PABPC4: variants seen among roughly 807,000 people sequenced by gnomAD.
The protein encoded by PABPC4 is polyadenylate-binding protein 4.
A neutral mutation model predicts 74.5 loss-of-function variants in PABPC4; 15 were observed. The ratio of observed to expected loss-of-function variants is 0.20; its 90% CI spans 0.13 to 0.31. PABPC4 has a LOEUF of 0.31. PABPC4 is among the 10% of genes least tolerant of loss of function. The pLI is 1.00. For synonymous variants in PABPC4, 345 were observed against 303.0 expected (o/e 1.14, Z -1.44); for missense variants, 610 against 853.5 (o/e 0.71, Z 3.55).
chr1:39,569,865 A>C lies in PABPC4; in HGVS notation c.641T>G (p.Phe214Cys). Residue 214 changes from phenylalanine (F) to cysteine (C), a missense_variant and splice_region_variant, in exon 4 of 16, where the codon TTT becomes TGT. Transcript: ENST00000372858. ...DESLKELFSQ[F>C]GKTLSVKVMR... ...GGAGACAAGGAACCCCAACTTACCA[A>C]ACTGACTGAATAGCTCTTTCAGACT... 1 of 1,613,922 alleles carries C rather than the reference A, an allele frequency of 6.2e-7. No homozygotes were observed. Among genetic ancestry groups the C allele is most frequent in the Non-Finnish European group, 8.5e-7 (1 of 1,179,964 alleles).
At chr1:39,572,318 G>T in intron 2 of PABPC4, 75 bp downstream of exon 2, 1 of 1,135,096 alleles carries the variant, frequency 8.8e-7, no homozygotes, top group Non-Finnish European at 1.3e-6. Context: ...TTCCAAGATA[G>T]TTCTCTGTTT....
At chr1:39,565,517 T>C in intron 7 of PABPC4, 139 bp from the exon 8 acceptor site, 1 of 808,786 alleles carries the variant, frequency 1.2e-6, no homozygotes, top group Non-Finnish European at 2.0e-6. Flanking sequence ...GCTTGAGCAA[T>C]GTAGTGAGAC....
chr1:39,574,623 T>A (rs761481211), intron 1 of PABPC4, among the ~76,000 whole-genome samples: 1 of 152,252 alleles, frequency 6.6e-6, no homozygotes, highest in Admixed American at 6.5e-5. Context: ...GGATTGACAG[T>A]AGCAATACCT....
chr1:39,563,378 A>C, intron 12 of PABPC4: 2 of 503,890 alleles, frequency 4.0e-6, no homozygotes, highest in African/African-American at 1.9e-5. Context: ...CAGAAGAGGA[A>C]GCACTGGCTG....
rs1646029307 is a variant in PABPC4 at position 39,576,536 on chromosome 1, C to T, written c.-585G>A. The T allele has an allele frequency of 6.7e-6, 1 of 149,724 alleles. No individual in the cohort carries two copies. The highest frequency in any genetic ancestry group is 1.5e-5 in the Non-Finnish European group (1 of 66,982). The allele number at this position is 149,724 out of a possible 1,614,324, so 9.3% of individuals were successfully genotyped here. On this transcript the variant is annotated 5_prime_UTR_variant, in exon 1 of 16. Transcript: ENST00000372858. ...CGAGCGGGGGGAGGGCACGGCGGGC[C>T]GGGCGGGCGGCTCACCCCCGGACCG...
At chr1:39,564,832 TATCTC>T (rs1271242509) in intron 8 of PABPC4, 59 bp from the exon 9 acceptor site, 4 of 1,316,734 alleles carry the variant, frequency 3.0e-6, no homozygotes, top group Non-Finnish European at 3.3e-6. Context: ...CCTAGAGAAG[TATCTC>T]ATCTCATCTC....
rs540067226 is a variant in PABPC4 at position 39,562,314 on chromosome 1, G to C, written c.1762+9C>G. 1 of 1,613,332 alleles carries C rather than the reference G, an allele frequency of 6.2e-7. No individual in the cohort carries two copies. The highest frequency in any genetic ancestry group is 1.1e-5 in the South Asian group (1 of 91,012). On this transcript the variant is annotated intron_variant, in intron 13 of 15. Transcript: ENST00000372858. ...ACCCTCTTCTTCTGCAAGCAAGTGG[G>C]TCACTCACCCAGCATCTGCTTCTGT...
At chr1:39,573,337 C>A (rs1570399181) in intron 1 of PABPC4, 1 of 152,228 alleles carries the variant, frequency 6.6e-6, no homozygotes, top group Non-Finnish European at 1.5e-5. Context: ...ACCACCATAC[C>A]TTCTGCCTAA....
chr1:39,575,097 C>T (rs1172449859), intron 1 of PABPC4, among the ~76,000 whole-genome samples: 1 of 152,220 alleles, frequency 6.6e-6, no homozygotes, highest in African/African-American at 2.4e-5. Flanking sequence ...ACTACCTCCA[C>T]GACACTCTAC....
Position 39,562,135 on chromosome 1 carries a change from G to A in PABPC4, c.1831C>T (p.Leu611=). The change falls in exon 14 of 16, where the codon CTG becomes TTG. Residue 611 remains leucine, a synonymous_variant. Transcript: ENST00000372858. Reference sequence around the variant, plus strand: ...AGCAGCTCAGAGTTGTCTATCTCCAGCAGCATTCCCGTGATCTTCCCAGCC... The same window carrying A: ...AGCAGCTCAGAGTTGTCTATCTCCAACAGCATTCCCGTGATCTTCCCAGCC... ...NLAGKITGML[L]EIDNSELLHM... is the part of the protein sequence containing the mutation. 1 of 1,614,028 alleles carries A rather than the reference G, an allele frequency of 6.2e-7. No individual in the cohort carries two copies.
chr1:39,568,359 A>G (rs1419731766), intron 6 of PABPC4: 1 of 164,724 alleles, frequency 6.1e-6, no homozygotes, highest in Non-Finnish European at 1.3e-5. Flanking sequence ...TGTTTTAACA[A>G]GCTCTGCTGA....
chr1:39,567,693 G>T, intron 7 of PABPC4, 58 bp downstream of exon 7: 1 of 852,996 alleles, frequency 1.2e-6, no homozygotes, highest in Non-Finnish European at 2.0e-6. Context: ...TGGGACAAAT[G>T]CCAATAAGCC....
chr1:39,563,138 T>A (rs1645787215), intron 12 of PABPC4: 1 of 167,878 alleles, frequency 6.0e-6, no homozygotes, highest in South Asian at 1.6e-4. Flanking sequence ...AGAGCACAGG[T>A]CTAGAGACAG....
At position 39,576,415 on chromosome 1, in the gene PABPC4, T is replaced by C. The variant is rs1172960967; in HGVS notation, c.-464A>G. 6 of 151,298 alleles carry C rather than the reference T, an allele frequency of 4.0e-5. No individual in the cohort carries two copies. The highest frequency in any genetic ancestry group is 7.4e-5 in the Non-Finnish European group (5 of 67,732). 9.4% of individuals were successfully genotyped at this position (151,298 alleles called of 1,614,324 possible). ...GCCGGGGCAGAGGGAAACCAAATCT[T>C]TGTGGGCGCCGACTCGGCGAGCCCC... On this transcript the variant is annotated 5_prime_UTR_variant, in exon 1 of 16. Transcript: ENST00000372858.
Position 39,568,841 on chromosome 1 carries a change from TTTCCGTTTTAACTCTGCC to T in PABPC4, c.819_836del (p.Ala274_Lys279del). On this transcript the variant is annotated inframe_deletion, in exon 6 of 16. Transcript: ENST00000372858. Reference sequence around the variant, plus strand: ...TTCTCTCCTGTTTCAACTGTTCAAATTTCCGTTTTAACTCTGCCTGCCGTTCTACTTTCTTTTGTGCAC... The same window carrying T: ...TTCTCTCCTGTTTCAACTGTTCAAATTGCCGTTCTACTTTCTTTTGTGCAC... 6.2e-7 allele frequency: 1 copy of T among 1,614,156 alleles called. No individual in the cohort carries two copies. The highest frequency in any genetic ancestry group is 8.5e-7 in the Non-Finnish European group (1 of 1,180,014).
intron 10 of PABPC4, chr1:39,564,206 A>G: frequency 1.6e-6 from 1 of 638,438 alleles, no homozygotes; most frequent in Non-Finnish European, 2.7e-6. Flanking sequence ...CCTTTTTCAC[A>G]TAGGTCACCG....
Position 39,563,752 on chromosome 1 carries a change from G to A in PABPC4, c.1541-11C>T, listed in dbSNP as rs1421338756. 2 of 1,613,912 alleles carry A rather than the reference G, an allele frequency of 1.2e-6. No individual in the cohort carries two copies. Among genetic ancestry groups the A allele is most frequent in the East Asian group, 2.2e-5 (1 of 44,862 alleles). On this transcript the variant is annotated splice_polypyrimidine_tract_variant and intron_variant, in intron 11 of 15. Transcript: ENST00000372858. ...CAGCTGTGGGAACGCCTTAGGGAAA[G>A]AACAAATACAATTAAAGCCCATCAG...
chr1:39,569,158 A>C (rs1219989528), intron 5 of PABPC4, among the ~76,000 whole-genome samples: 1 of 152,242 alleles, frequency 6.6e-6, no homozygotes, highest in East Asian at 1.9e-4. Flanking sequence ...GTACAGGTGT[A>C]TAAACACAAG....
Position 39,564,519 on chromosome 1 carries a change from T to TAGC in PABPC4, c.1354_1356dup (p.Ala452dup), listed in dbSNP as rs1441652498. The TAGC allele has an allele frequency of 1.2e-6, 2 of 1,614,090 alleles. No individual in the cohort carries two copies. The highest frequency in any genetic ancestry group is 1.3e-5 in the African/African-American group (1 of 74,930). On this transcript the variant is annotated inframe_insertion, in exon 10 of 16. Transcript: ENST00000372858. ...GTTGGACGAGGCCCAGACTGGCGTA[T>TAGC]AGCACTTGGCATTCCTTGGAAGCCT...
Sources: allele counts gnomAD v4.1 joint callset (sites outside exome capture counted in the v4.1 genomes callset), GRCh38; gene constraint gnomAD v4.1.1; transcripts MANE v1.5; gene names NCBI Gene and HGNC (gene_info 2026-07-23, HGNC 2026-07-21).